The following RASGRF1 variants were observed in gnomAD, a reference collection of about 807,000 sequenced individuals.
RASGRF1 encodes ras-specific guanine nucleotide-releasing factor 1.
A neutral mutation model predicts 138.7 loss-of-function variants in RASGRF1; 40 were observed. The observed-to-expected ratio is 0.29, with a 90% CI of 0.22 to 0.38. The LOEUF is 0.38. RASGRF1 is among the 10% of genes least tolerant of loss of function. The pLI is 1.00. For synonymous variants in RASGRF1, 614 were observed against 663.2 expected, an observed-to-expected ratio of 0.93 and a Z score of 1.14; for missense variants, 1,108 against 1,650.4, an observed-to-expected ratio of 0.67 and a Z score of 5.69.
chr15:79,076,158 A>G (rs781545333), intron 1 of RASGRF1, among the ~76,000 whole-genome samples: 21 of 152,222 alleles, frequency 1.4e-4, no homozygotes, highest in Non-Finnish European at 2.6e-4. Flanking sequence ...AACTCATATC[A>G]TAATGATGTT....
At position 79,031,401 on chromosome 15, in the gene RASGRF1, T is replaced by C; in HGVS notation, c.1261A>G (p.Arg421Gly). Reference sequence around the variant, plus strand: ...GTGCACTGAAGAGCCAGGCCTCACCTGGACAGCTCCTCCAGTTTGGACTTG... The same window carrying C: ...GTGCACTGAAGAGCCAGGCCTCACCCGGACAGCTCCTCCAGTTTGGACTTG... ...YAKSKLEELS[R>G]IMHDEVSETE... Residue 421 changes from arginine (R) to glycine (G), a missense_variant and splice_region_variant, in exon 8 of 27, where the codon AGA becomes GGA. Coordinates refer to ENST00000558480, the MANE Select transcript of RASGRF1 (RefSeq NM_001145648.3). 6.2e-7 allele frequency: 1 copy of C among 1,603,094 alleles called. No individual in the cohort carries two copies. Among genetic ancestry groups the C allele is most frequent in the Non-Finnish European group, 8.5e-7 (1 of 1,173,278 alleles).
At chr15:79,011,577 C>T (rs1419638228) in intron 13 of RASGRF1, among the ~76,000 whole-genome samples, 1 of 152,168 alleles carries the variant, frequency 6.6e-6, no homozygotes, top group East Asian at 1.9e-4. Flanking sequence ...TGTAGCTGTT[C>T]TCCAGGTGAA....
intron 1 of RASGRF1, among the ~76,000 whole-genome samples, chr15:79,086,324 G>A (rs1342713779): frequency 1.3e-5 from 2 of 152,152 alleles, no homozygotes; most frequent in Non-Finnish European, 2.9e-5. Context: ...TGTGCTTTGT[G>A]GTGACAACAG....
chr15:79,090,622 T>TC lies in RASGRF1; in HGVS notation c.-125dup. On this transcript the variant is annotated 5_prime_UTR_variant, in exon 1 of 27. Transcript: ENST00000558480. ...TCGCTCGCTCCCTCTAGCTCTCCCC[T>TC]CCCCCCAAATATCTACACTCCAGGA... 1 of 1,268,302 alleles carries TC rather than the reference T, an allele frequency of 7.9e-7. No individual in the cohort carries two copies. The highest frequency in any genetic ancestry group is 1.1e-6 in the Non-Finnish European group (1 of 936,378). The allele number at this position is 1,268,302 out of a possible 1,614,324, so 78.6% of individuals were successfully genotyped here.
In RASGRF1 at chr15:79,058,319, C is replaced by G. The variant is rs749296738; in HGVS notation, c.531+15G>C. 9 of 1,610,432 alleles carry G rather than the reference C, an allele frequency of 5.6e-6. No homozygotes were observed. Among genetic ancestry groups the G allele is most frequent in the Non-Finnish European group, 6.8e-6 (8 of 1,179,286 alleles). On this transcript the variant is annotated intron_variant, in intron 3 of 26. Coordinates refer to ENST00000558480, the MANE Select transcript of RASGRF1 (RefSeq NM_001145648.3). Reference sequence around the variant, plus strand: ...TGTGCCTAGGGCCTGGGCCCACCCCCCAGCCCGCAGTCACCTCTGCCTTCA... The same window carrying G: ...TGTGCCTAGGGCCTGGGCCCACCCCGCAGCCCGCAGTCACCTCTGCCTTCA...
intron 19 of RASGRF1, among the ~76,000 whole-genome samples, chr15:78,997,142 G>A (rs376968667): frequency 2.6e-5 from 4 of 152,358 alleles, no homozygotes; most frequent in African/African-American, 9.6e-5. Flanking sequence ...GGTCACATGA[G>A]TCACTGGCTG....
chr15:79,076,028 A>G (rs1029381546), intron 1 of RASGRF1, among the ~76,000 whole-genome samples: 3 of 152,236 alleles, frequency 2.0e-5, no homozygotes, highest in Non-Finnish European at 4.4e-5. Context: ...GCAGCCATCA[A>G]TGACAACATG....
At chr15:79,056,924 G>A (rs62011242) in intron 3 of RASGRF1, among the ~76,000 whole-genome samples, 1 of 152,090 alleles carries the variant, frequency 6.6e-6, no homozygotes, top group Non-Finnish European at 1.5e-5. Flanking sequence ...TTTAGTGAGT[G>A]GAATTTGATG....
chr15:79,050,061 T>C lies in RASGRF1; in HGVS notation c.532-473A>G, dbSNP rs2057409864. ...GTATGGTTCAGTGGCATTAAGGACA[T>C]TCACATTGTTGTGCAACCATCACCA... On this transcript the variant is annotated intron_variant, in intron 3 of 26. Transcript: ENST00000558480. This position sits in a 1 kb window ranked among gnomAD's most constrained non-coding sequence, Gnocchi z 4.1. Among the ~76,000 whole-genome samples, 1 of 152,238 alleles carries C rather than the reference T, an allele frequency of 6.6e-6. No homozygotes were observed. Among genetic ancestry groups the C allele is most frequent in the South Asian group, 2.1e-4 (1 of 4,824 alleles).
chr15:78,998,404 T>G, intron 18 of RASGRF1, 196 bp from the exon 19 acceptor site: 1 of 629,688 alleles, frequency 1.6e-6, no homozygotes, highest in Non-Finnish European at 2.8e-6. Context: ...ATAAAGGCAC[T>G]GGAACCAGAT....
chr15:79,070,327 C>T (rs1327031667), intron 1 of RASGRF1, among the ~76,000 whole-genome samples: 2 of 152,166 alleles, frequency 1.3e-5, no homozygotes, highest in Non-Finnish European at 2.9e-5. Context: ...CTGACGGGGA[C>T]AGAGCATATA....
intron 4 of RASGRF1, 111 bp downstream of exon 4, chr15:79,049,385 T>TG (rs894670747): frequency 4.1e-6 from 4 of 970,206 alleles, no homozygotes; most frequent in South Asian, 1.4e-5. Flanking sequence ...GGTTGGGGGA[T>TG]GGGGGGCACG....
chr15:78,999,921 G>A lies in RASGRF1; in HGVS notation c.2576-8C>T. On this transcript the variant is annotated splice_region_variant and splice_polypyrimidine_tract_variant and intron_variant, in intron 16 of 26. Transcript: ENST00000558480. Reference sequence around the variant, plus strand: ...AGGAAAAGAGTGGGAACTCTGCAGAGAGGAGGGAACCAACCCTCAGCTGTC... The same window carrying A: ...AGGAAAAGAGTGGGAACTCTGCAGAAAGGAGGGAACCAACCCTCAGCTGTC... The A allele has an allele frequency of 6.2e-7, 1 of 1,613,310 alleles. No homozygotes were observed. The highest frequency in any genetic ancestry group is 8.5e-7 in the Non-Finnish European group (1 of 1,179,308).
intron 1 of RASGRF1, among the ~76,000 whole-genome samples, chr15:79,072,366 C>G (rs1281137623): frequency 1.4e-5 from 2 of 146,498 alleles, no homozygotes; most frequent in Non-Finnish European, 3.0e-5. Context: ...AGCTCTGCCT[C>G]CCGGGTTCAT....
chr15:78,996,732 G>A (rs2056401500), intron 19 of RASGRF1, among the ~76,000 whole-genome samples: 1 of 149,092 alleles, frequency 6.7e-6, no homozygotes, highest in Non-Finnish European at 1.5e-5. Context: ...CTGTGTGTGT[G>A]TGTGCGTGTG....
chr15:78,969,672 A>AAAAAG lies in RASGRF1; in HGVS notation c.3681+2189_3681+2193dup, dbSNP rs548928375. Among the ~76,000 whole-genome samples, 7 of 152,310 alleles carry AAAAAG rather than the reference A, an allele frequency of 4.6e-5. No individual in the cohort carries two copies. The South Asian group carries it at 6.2e-4, about 14-fold the overall frequency. ...TGACAGAGTAAGACTCTGTCTTAAA[A>AAAAAG]AAAAGAAAAGAAAAGAAAAGAAAAT... On this transcript the variant is annotated intron_variant, in intron 26 of 26. Transcript: ENST00000558480.
intron 3 of RASGRF1, among the ~76,000 whole-genome samples, chr15:79,052,963 T>A (rs2057452984): frequency 6.6e-6 from 1 of 152,120 alleles, no homozygotes; most frequent in Non-Finnish European, 1.5e-5. Flanking sequence ...CACATCAAAG[T>A]GTGTTTGCAA....
At chr15:79,024,815 A>G (rs2057021317) in intron 10 of RASGRF1, among the ~76,000 whole-genome samples, 1 of 152,138 alleles carries the variant, frequency 6.6e-6, no homozygotes. Context: ...GTATTTCTTC[A>G]TAGCAGTATG....
At chr15:78,979,850 G>A (rs970281019) in intron 24 of RASGRF1, among the ~76,000 whole-genome samples, 1 of 152,232 alleles carries the variant, frequency 6.6e-6, no homozygotes, top group Admixed American at 6.5e-5. Context: ...AACAGGATGC[G>A]GGAAGCAGCC....
Sources: allele counts gnomAD v4.1 joint callset (sites outside exome capture counted in the v4.1 genomes callset), GRCh38; gene constraint gnomAD v4.1.1; non-coding constraint Gnocchi (gnomAD v3.1); transcripts MANE v1.5; gene names NCBI Gene and HGNC (gene_info 2026-07-23, HGNC 2026-07-21).